The following CORO2B variants were observed in gnomAD, a reference collection of about 807,000 sequenced individuals.
The protein encoded by CORO2B is coronin-2B.
Under a neutral mutation model 58.8 loss-of-function variants are expected in CORO2B, and 26 were observed. The ratio of observed to expected loss-of-function variants is 0.44; its 90% CI spans 0.32 to 0.61. CORO2B has a LOEUF of 0.61. Among genes scored for constraint, CORO2B ranks in the 20% least tolerant of loss-of-function variants. The pLI is 0.04. For synonymous variants in CORO2B, 242 were observed against 253.8 expected, an observed-to-expected ratio of 0.95 and a Z score of 0.44; for missense variants, 460 against 645.1, an observed-to-expected ratio of 0.71 and a Z score of 3.11.
the CORO2B span, among the ~76,000 whole-genome samples, chr15:68,531,680 A>G: frequency 6.6e-6 from 1 of 151,970 alleles, no homozygotes; most frequent in Non-Finnish European, 1.5e-5. Context: ...AAAAAAGGAA[A>G]GAAAGAAAGA....
chr15:68,610,270 C>T (rs147556127), intron 1 of CORO2B, among the ~76,000 whole-genome samples: 44 of 152,246 alleles, frequency 2.9e-4, no homozygotes, highest in Middle Eastern at 3.4e-3. Flanking sequence ...GGTTCTCTAG[C>T]GCCTCGCCTC....
chr15:68,677,397 G>T (rs80122478), intron 2 of CORO2B, among the ~76,000 whole-genome samples: 13,096 of 152,172 alleles, frequency 0.086, 1,387 homozygotes, highest in African/African-American at 0.25. Flanking sequence ...CTAGCTGAAG[G>T]CCACACAGCA....
intron 2 of CORO2B, among the ~76,000 whole-genome samples, chr15:68,691,327 C>CAAAAAAAAA (rs1192260415): frequency 0.016 from 151 of 9,540 alleles, 6 homozygotes; most frequent in East Asian, 0.094. Context: ...GACTCCGTCT[C>CAAAAAAAAA]AAAAAAAAAA....
In CORO2B at chr15:68,645,902, A is replaced by T. The variant is rs1901411564; in HGVS notation, c.216+542A>T. Among the ~76,000 whole-genome samples the T allele has an allele frequency of 6.6e-6, 1 of 151,730 alleles. No homozygotes were observed. Among genetic ancestry groups the T allele is most frequent in the Admixed American group, 6.6e-5 (1 of 15,230 alleles). On this transcript the variant is annotated intron_variant, in intron 2 of 11. Transcript: ENST00000261861. The surrounding 1 kb of genome is among the most constrained non-coding windows in gnomAD (Gnocchi z 4.5). ...GATTCTCCTGCCTCAGCCTCCCGAG[A>T]AGCTGGGATTGCAGGCACGTGCCAC...
intron 1 of CORO2B, among the ~76,000 whole-genome samples, chr15:68,620,513 A>ATAAGTTAT (rs1320897836): frequency 6.6e-6 from 1 of 152,206 alleles, no homozygotes; most frequent in Non-Finnish European, 1.5e-5. Context: ...CATGAGTCTG[A>ATAAGTTAT]TAAGTTATTT....
chr15:68,664,383 C>T (rs1307582181), intron 2 of CORO2B, among the ~76,000 whole-genome samples: 2 of 152,148 alleles, frequency 1.3e-5, no homozygotes, highest in South Asian at 4.1e-4. Context: ...CATGGTGGCT[C>T]ACGCTTGTAA....
At chr15:68,556,762 G>A in the CORO2B span, among the ~76,000 whole-genome samples, 122 of 152,316 alleles carry the variant, frequency 8.0e-4, no homozygotes, top group African/African-American at 2.7e-3. Flanking sequence ...GACCTGACTC[G>A]TGACTGTGGC....
upstream of CORO2B, among the ~76,000 whole-genome samples, chr15:68,577,450 G>T (rs1899309291): frequency 1.3e-5 from 2 of 152,136 alleles, no homozygotes; most frequent in Non-Finnish European, 2.9e-5. Flanking sequence ...AGGGCCGGGG[G>T]CGGTTGCTCA....
the CORO2B span, among the ~76,000 whole-genome samples, chr15:68,560,249 T>G: frequency 6.6e-6 from 1 of 152,144 alleles, no homozygotes; most frequent in African/African-American, 2.4e-5. Context: ...TTTCTTTCTC[T>G]TTCTTTTTTC....
intron 1 of CORO2B, chr15:68,616,454 C>T: frequency 1.4e-6 from 1 of 696,310 alleles, no homozygotes; most frequent in Non-Finnish European, 1.8e-6. Flanking sequence ...GTCACCCAGC[C>T]CCCACCAAGG....
intron 7 of CORO2B, 79 bp from the exon 8 acceptor site, chr15:68,715,136 T>G: frequency 1.6e-6 from 2 of 1,285,190 alleles, no homozygotes; most frequent in Non-Finnish European, 2.3e-6. Context: ...AGAGCTGTCT[T>G]CAGCTGGCTC....
intron 1 of CORO2B, among the ~76,000 whole-genome samples, chr15:68,624,530 C>T (rs1046829249): frequency 2.0e-5 from 3 of 152,086 alleles, no homozygotes; most frequent in Non-Finnish European, 2.9e-5. Context: ...AACTACCGTC[C>T]CTTGGGCCTA....
At chr15:68,547,587 C>T in the CORO2B span, among the ~76,000 whole-genome samples, 1 of 152,052 alleles carries the variant, frequency 6.6e-6, no homozygotes, top group Non-Finnish European at 1.5e-5. Context: ...CATGATCCAC[C>T]TGCCTCGGTC....
At chr15:68,619,593 A>G (rs1025957640) in intron 1 of CORO2B, among the ~76,000 whole-genome samples, 3 of 152,110 alleles carry the variant, frequency 2.0e-5, no homozygotes, top group African/African-American at 7.2e-5. Context: ...ATAGACTACC[A>G]GTAGTACACA....
chr15:68,628,114 G>A (rs938251988), intron 1 of CORO2B, among the ~76,000 whole-genome samples: 3 of 152,198 alleles, frequency 2.0e-5, no homozygotes, highest in Non-Finnish European at 4.4e-5. Flanking sequence ...GCATATATTA[G>A]TAATAACAAT....
intron 2 of CORO2B, among the ~76,000 whole-genome samples, chr15:68,659,356 A>G (rs1901935146): frequency 6.6e-6 from 1 of 152,218 alleles, no homozygotes; most frequent in African/African-American, 2.4e-5. Context: ...CAATTAACAC[A>G]TATCTTACAT....
intron 1 of CORO2B, among the ~76,000 whole-genome samples, chr15:68,621,322 A>G (rs1280833786): frequency 6.6e-6 from 1 of 152,236 alleles, no homozygotes; most frequent in Non-Finnish European, 1.5e-5. Context: ...CTGGAGAACA[A>G]CGCAGTGCGT....
At chr15:68,681,382 G>T (rs568787706) in intron 2 of CORO2B, among the ~76,000 whole-genome samples, 1 of 150,736 alleles carries the variant, frequency 6.6e-6, no homozygotes, top group African/African-American at 2.4e-5. Context: ...AAGGAATGCA[G>T]GGAGGGGGCC....
chr15:68,581,107 G>A (rs1461222463), intron 1 of CORO2B, among the ~76,000 whole-genome samples: 1 of 152,138 alleles, frequency 6.6e-6, no homozygotes, highest in African/African-American at 2.4e-5. Flanking sequence ...CCTGAACCTT[G>A]AAGCAGGGAT....
Sources: allele counts gnomAD v4.1 joint callset (sites outside exome capture counted in the v4.1 genomes callset), GRCh38; gene constraint gnomAD v4.1.1; non-coding constraint Gnocchi (gnomAD v3.1); transcripts MANE v1.5; gene names NCBI Gene and HGNC (gene_info 2026-07-23, HGNC 2026-07-21).